Variants in GPHN observed in about 807,000 individuals in gnomAD.
GPHN encodes the protein gephyrin.
In GPHN, 17 loss-of-function variants were observed where a neutral mutation model predicts 95.5. The observed-to-expected ratio is 0.18, with a 90% CI of 0.12 to 0.27. The LOEUF (loss-of-function observed/expected upper bound fraction) is 0.27. GPHN is among the 10% of genes least tolerant of loss of function. GPHN has a pLI of 1.00. For synonymous variants in GPHN, 320 were observed against 322.5 expected (o/e 0.99, Z 0.08); for missense variants, 660 against 978.1 (o/e 0.67, Z 4.34).
chr14:67,564,371 G>A, the GPHN span, among the ~76,000 whole-genome samples: 1 of 152,310 alleles, frequency 6.6e-6, no homozygotes, highest in East Asian at 1.9e-4. Flanking sequence ...GCAATGATCT[G>A]GTTGGTGGCC....
chr14:66,950,922 G>GT (rs1160207482), intron 8 of GPHN, among the ~76,000 whole-genome samples: 2 of 151,908 alleles, frequency 1.3e-5, no homozygotes, highest in Non-Finnish European at 2.9e-5. Context: ...TTGTTTGTTT[G>GT]TTGTTGTTTT....
At chr14:66,587,398 G>T (rs1218345339) in intron 1 of GPHN, among the ~76,000 whole-genome samples, 1 of 152,114 alleles carries the variant, frequency 6.6e-6, no homozygotes, top group Non-Finnish European at 1.5e-5. Flanking sequence ...GTATGACCCT[G>T]ATACCATAGA....
the GPHN span, among the ~76,000 whole-genome samples, chr14:67,485,710 A>G: frequency 2.0e-5 from 3 of 152,162 alleles, no homozygotes; most frequent in Non-Finnish European, 4.4e-5. Flanking sequence ...GCCAATTGTC[A>G]TTTTTTAAGG....
At chr14:67,047,330 G>T (rs1594928695) in intron 10 of GPHN, among the ~76,000 whole-genome samples, 2 of 96,158 alleles carry the variant, frequency 2.1e-5, no homozygotes, top group South Asian at 3.6e-4. Context: ...GTGTGTGTGT[G>T]TGTTTGTGTG....
At chr14:66,785,913 G>A (rs767048743) in intron 3 of GPHN, among the ~76,000 whole-genome samples, 1 of 151,928 alleles carries the variant, frequency 6.6e-6, no homozygotes, top group Non-Finnish European at 1.5e-5. Flanking sequence ...AGGGCTGAGA[G>A]GAAAAATTAT....
chr14:67,353,053 A>T, the GPHN span: 1 of 1,579,244 alleles, frequency 6.3e-7, no homozygotes, highest in Non-Finnish European at 8.6e-7. Context: ...ATATAAACAT[A>T]AACAAAGTTA....
intron 1 of GPHN, among the ~76,000 whole-genome samples, chr14:66,583,598 C>A (rs1206054783): frequency 3.3e-5 from 5 of 152,084 alleles, no homozygotes; most frequent in East Asian, 1.9e-4. Flanking sequence ...TCAGCTTTCT[C>A]CATATGGCTA....
chr14:67,473,360 C>T, the GPHN span: 31 of 1,580,836 alleles, frequency 2.0e-5, no homozygotes, highest in Non-Finnish European at 2.6e-5. The surrounding 1 kb of genome is among the most constrained non-coding windows in gnomAD (Gnocchi z 6.5). Context: ...ACCTCACCAG[C>T]TTGGTCTCTT....
At chr14:67,511,925 T>A in the GPHN span, among the ~76,000 whole-genome samples, 1 of 152,058 alleles carries the variant, frequency 6.6e-6, no homozygotes, top group Non-Finnish European at 1.5e-5. Flanking sequence ...TATCTGTGGA[T>A]GTGTGTGTCG....
At chr14:67,024,434 G>A (rs2073821827) in intron 10 of GPHN, among the ~76,000 whole-genome samples, 1 of 152,174 alleles carries the variant, frequency 6.6e-6, no homozygotes, top group African/African-American at 2.4e-5. Context: ...TTTATCAAGA[G>A]AAGTACAGGG....
At chr14:67,391,271 ATGTGTGTGTGTGTGTGTG>A in the GPHN span, among the ~76,000 whole-genome samples, 2 of 143,798 alleles carry the variant, frequency 1.4e-5, no homozygotes, top group Non-Finnish European at 3.1e-5. Context: ...AGCAGCTGAT[ATGTGTGTGTGTGTGTGTG>A]TGTGTGTGTG....
At chr14:66,998,888 A>AATATAT (rs112443150) in intron 9 of GPHN, among the ~76,000 whole-genome samples, 2 of 142,920 alleles carry the variant, frequency 1.4e-5, no homozygotes, top group African/African-American at 5.2e-5. Flanking sequence ...AAAAAAAAAA[A>AATATAT]ATATATATAT....
chr14:66,996,456 A>G (rs986790326), intron 9 of GPHN, among the ~76,000 whole-genome samples: 2 of 152,182 alleles, frequency 1.3e-5, no homozygotes, highest in Non-Finnish European at 2.9e-5. Flanking sequence ...TCACATTGAA[A>G]TAACTAAAAC....
At chr14:66,798,301 G>A (rs1371788804) in intron 3 of GPHN, among the ~76,000 whole-genome samples, 1 of 151,512 alleles carries the variant, frequency 6.6e-6, no homozygotes, top group African/African-American at 2.4e-5. Context: ...ATGTGTGTTT[G>A]GTCTTAGTAT....
the GPHN span, among the ~76,000 whole-genome samples, chr14:67,309,255 A>G: frequency 6.6e-6 from 1 of 152,182 alleles, no homozygotes; most frequent in Non-Finnish European, 1.5e-5. Context: ...CTAGCAGGAA[A>G]GATTGGTGGA....
the GPHN span, among the ~76,000 whole-genome samples, chr14:67,214,900 T>G: frequency 6.6e-6 from 1 of 152,108 alleles, no homozygotes; most frequent in Non-Finnish European, 1.5e-5. Context: ...TAAGTTGGAT[T>G]CCTAGGTATT....
intron 2 of GPHN, among the ~76,000 whole-genome samples, chr14:66,685,523 G>A (rs888284434): frequency 6.6e-6 from 1 of 152,186 alleles, no homozygotes; most frequent in Non-Finnish European, 1.5e-5. Context: ...ATTTTTTCAT[G>A]TATCTATTTG....
At chr14:66,525,964 T>A (rs1041176148) in intron 1 of GPHN, among the ~76,000 whole-genome samples, 2 of 152,154 alleles carry the variant, frequency 1.3e-5, no homozygotes, top group African/African-American at 4.8e-5. Flanking sequence ...GTCTTGGCTA[T>A]GTGGGCTCTT....
intron 3 of GPHN, among the ~76,000 whole-genome samples, chr14:66,812,646 T>C (rs2060808513): frequency 6.6e-6 from 1 of 152,214 alleles, no homozygotes; most frequent in Non-Finnish European, 1.5e-5. Context: ...TGAAAAGTGT[T>C]TTCAGGGTAT....
Sources: gnomAD v4.1 joint callset for allele counts (sites outside exome capture counted in the v4.1 genomes callset) on GRCh38, gnomAD v4.1.1 for gene constraint, Gnocchi (gnomAD v3.1) non-coding constraint, MANE v1.5 for transcripts, NCBI Gene and HGNC (gene_info 2026-07-23, HGNC 2026-07-21) for gene names.